Variants in SGCD observed in about 807,000 individuals in gnomAD.
SGCD encodes delta-sarcoglycan.
In SGCD, 18 loss-of-function variants were observed where a neutral mutation model predicts 36.6. That is an observed-to-expected ratio of 0.49 (90% CI 0.34 to 0.73). The LOEUF is 0.73. SGCD is among the 30% of genes least tolerant of loss of function. The probability of loss-of-function intolerance (pLI) is 0.01; values close to 1 mark genes in which losing one functional copy is unlikely to be tolerated. For synonymous variants in SGCD, 133 were observed against 130.6 expected (o/e 1.02, Z -0.12); for missense variants, 387 against 346.7 (o/e 1.12, Z -0.92).
At chr5:156,463,158 G>C (rs1403386704) in intron 3 of SGCD, among the ~76,000 whole-genome samples, 1 of 152,044 alleles carries the variant, frequency 6.6e-6, no homozygotes, top group Non-Finnish European at 1.5e-5. Context: ...TTGTTTGTTT[G>C]TTTGAGACGG....
intron 1 of SGCD, among the ~76,000 whole-genome samples, chr5:156,113,815 A>G (rs1761847775): frequency 6.6e-6 from 1 of 152,178 alleles, no homozygotes. Context: ...TGTACAATGG[A>G]ATATTATTCT....
intron 1 of SGCD, among the ~76,000 whole-genome samples, chr5:155,938,220 A>G (rs563957310): frequency 6.6e-6 from 1 of 152,328 alleles, no homozygotes; most frequent in African/African-American, 2.4e-5. Context: ...CAAACGCAGC[A>G]TTTGATGGCA....
chr5:156,329,201 G>C (rs192158508), intron 1 of SGCD, among the ~76,000 whole-genome samples: 4 of 152,298 alleles, frequency 2.6e-5, no homozygotes, highest in African/African-American at 9.6e-5. Context: ...TGGAGGCAGT[G>C]AAGGGAGAGG....
chr5:156,405,673 T>C (rs960532825), intron 3 of SGCD, among the ~76,000 whole-genome samples: 20 of 152,188 alleles, frequency 1.3e-4, no homozygotes, highest in African/African-American at 4.3e-4. Flanking sequence ...CCCTGAGAAA[T>C]TGTCTTCCTC....
intron 3 of SGCD, among the ~76,000 whole-genome samples, chr5:156,394,225 G>A (rs1771735417): frequency 6.6e-6 from 1 of 152,172 alleles, no homozygotes; most frequent in South Asian, 2.1e-4. Flanking sequence ...AGTAGTGGAT[G>A]ACGTAAGTTT....
intron 1 of SGCD, among the ~76,000 whole-genome samples, chr5:155,941,466 T>A (rs1368618278): frequency 2.0e-5 from 3 of 151,666 alleles, no homozygotes; most frequent in Non-Finnish European, 4.4e-5. Context: ...CAATCACTGA[T>A]ATTATTTAAA....
At chr5:155,769,711 ATT>A in the SGCD span, among the ~76,000 whole-genome samples, 388 of 152,226 alleles carry the variant, frequency 2.5e-3, 2 homozygotes, top group African/African-American at 7.6e-3. Context: ...ATGCATTGTC[ATT>A]CTTTCCTTTT....
chr5:155,749,359 A>G, the SGCD span, among the ~76,000 whole-genome samples: 125 of 152,320 alleles, frequency 8.2e-4, no homozygotes, highest in African/African-American at 3.0e-3. Flanking sequence ...ACATCAAGGT[A>G]TAACTCTTAG....
intron 1 of SGCD, among the ~76,000 whole-genome samples, chr5:155,941,567 TTAA>T (rs1581003085): frequency 1.3e-5 from 2 of 151,216 alleles, no homozygotes; most frequent in East Asian, 1.9e-4. Context: ...TATATTGCTG[TTAA>T]TAATCAATAT....
At chr5:155,887,300 C>G (rs74710815) in intron 1 of SGCD, among the ~76,000 whole-genome samples, 2,408 of 152,260 alleles carry the variant, frequency 0.016, 59 homozygotes, top group African/African-American at 0.054. Context: ...GATTTGCTGT[C>G]TTGGGTTTTC....
intron 3 of SGCD, among the ~76,000 whole-genome samples, chr5:156,290,324 C>T (rs1766725220): frequency 1.3e-5 from 2 of 152,106 alleles, no homozygotes; most frequent in East Asian, 1.9e-4. Context: ...CTAACCAAGA[C>T]GGTTCCACAG....
chr5:156,580,979 G>A (rs770786972), intron 4 of SGCD, among the ~76,000 whole-genome samples: 73 of 152,120 alleles, frequency 4.8e-4, no homozygotes, highest in Non-Finnish European at 1.6e-4. Context: ...AGGAGAAGAG[G>A]TGCTCTGATT....
upstream of SGCD, among the ~76,000 whole-genome samples, chr5:156,321,783 G>T (rs1301040684): frequency 1.3e-5 from 2 of 152,160 alleles, no homozygotes; most frequent in African/African-American, 4.8e-5. Flanking sequence ...CAAAACTGTG[G>T]GTGAAGCCTA....
intron 4 of SGCD, among the ~76,000 whole-genome samples, chr5:156,559,068 C>T (rs1759165326): frequency 6.6e-6 from 1 of 152,180 alleles, no homozygotes; most frequent in East Asian, 1.9e-4. Flanking sequence ...AGCTCTACTA[C>T]TCACTGGCTA....
At chr5:155,963,813 T>A (rs1244058638) in intron 1 of SGCD, among the ~76,000 whole-genome samples, 2 of 152,140 alleles carry the variant, frequency 1.3e-5, no homozygotes, top group African/African-American at 4.8e-5. Flanking sequence ...TTACTTTTTT[T>A]ATAATTTATC....
intron 7 of SGCD, among the ~76,000 whole-genome samples, chr5:156,741,157 A>G (rs886190820): frequency 6.6e-6 from 1 of 152,182 alleles, no homozygotes; most frequent in Admixed American, 6.5e-5. Context: ...TTCTCTAAGG[A>G]TGGAAACACA....
chr5:155,959,550 A>G (rs1450263464), intron 1 of SGCD, among the ~76,000 whole-genome samples: 1 of 152,046 alleles, frequency 6.6e-6, no homozygotes, highest in Non-Finnish European at 1.5e-5. Context: ...GCCTTATGTT[A>G]TGTTTCCTTG....
At chr5:155,902,176 A>G (rs1277066705) in intron 1 of SGCD, among the ~76,000 whole-genome samples, 2 of 152,184 alleles carry the variant, frequency 1.3e-5, no homozygotes, top group Non-Finnish European at 2.9e-5. Flanking sequence ...TTCCACTCTC[A>G]GGCTCAGTTT....
chr5:156,411,458 G>C (rs1772747896), intron 3 of SGCD, among the ~76,000 whole-genome samples: 1 of 152,196 alleles, frequency 6.6e-6, no homozygotes. Context: ...AAAGCACTGA[G>C]AAATTAGGCA....
Sources: allele counts gnomAD v4.1 joint callset (sites outside exome capture counted in the v4.1 genomes callset), GRCh38; gene constraint gnomAD v4.1.1; transcripts MANE v1.5; gene names NCBI Gene and HGNC (gene_info 2026-07-23, HGNC 2026-07-21).